Variants in ZCCHC24 observed in about 807,000 individuals in gnomAD.
The protein encoded by ZCCHC24 is zinc finger CCHC domain-containing protein 24.
In ZCCHC24, 10 loss-of-function variants were observed where a neutral mutation model predicts 26.2. The observed-to-expected ratio is 0.38, with a 90% CI of 0.24 to 0.65. The LOEUF (loss-of-function observed/expected upper bound fraction) is 0.65. ZCCHC24 is among the 30% of genes least tolerant of loss of function. The probability of loss-of-function intolerance (pLI) is 0.54; values close to 1 mark genes in which losing one functional copy is unlikely to be tolerated. For missense variants in ZCCHC24, 243 were observed against 329.1 expected (o/e 0.74, Z 2.03); for synonymous variants, 144 against 147.1 (o/e 0.98, Z 0.15).
At chr10:79,441,394 C>T (rs749357408) in intron 1 of ZCCHC24, among the ~76,000 whole-genome samples, 115 of 152,082 alleles carry the variant, frequency 7.6e-4, no homozygotes, top group Non-Finnish European at 1.4e-3. Context: ...TTTGTTAAGC[C>T]TTGTGACACC....
rs1856362740 is a variant in ZCCHC24, at chr10:79,384,415, T to G, written c.*1930A>C. 6.6e-6 allele frequency: 1 copy of G among 152,384 alleles called. No individual in the cohort carries two copies. The highest frequency in any genetic ancestry group is 2.1e-4 in the South Asian group (1 of 4,834). The allele number at this position is 152,384 out of a possible 1,614,324, so 9.4% of individuals were successfully genotyped here. A position where few individuals can be genotyped will look rare whatever the true frequency, so the allele number is the denominator to read the frequency against. On this transcript the variant is annotated 3_prime_UTR_variant, in exon 4 of 4. Transcript: ENST00000372336. ...CATTCTCTTTAGCAGTGCGGTAGGA[T>G]GACTGTCAGTGGCAGCTTCTCCTTG...
intron 2 of ZCCHC24, among the ~76,000 whole-genome samples, chr10:79,416,294 A>G (rs1856858740): frequency 6.6e-6 from 1 of 152,344 alleles, no homozygotes; most frequent in Middle Eastern, 3.4e-3. Flanking sequence ...AAGGTCGCCC[A>G]CTTGGCTCTG....
At chr10:79,394,503 G>A in intron 2 of ZCCHC24, 63 bp from the exon 3 acceptor site, 2 of 1,576,162 alleles carry the variant, frequency 1.3e-6, no homozygotes, top group Non-Finnish European at 1.7e-6. Flanking sequence ...GCCCCACAGG[G>A]TTCCCCTGGC....
intron 2 of ZCCHC24, among the ~76,000 whole-genome samples, chr10:79,395,190 T>G (rs1589660496): frequency 6.6e-6 from 1 of 151,388 alleles, no homozygotes. Flanking sequence ...GCTACGTAGG[T>G]GCATACAGCT....
chr10:79,396,597 G>A (rs1019575042), intron 2 of ZCCHC24, among the ~76,000 whole-genome samples: 3 of 152,336 alleles, frequency 2.0e-5, no homozygotes, highest in Non-Finnish European at 4.4e-5. Context: ...TGTGGTCCCC[G>A]GACCAACAGC....
chr10:79,386,495 G>C, intron 3 of ZCCHC24, 37 bp from the exon 4 acceptor site: 4 of 1,520,522 alleles, frequency 2.6e-6, no homozygotes, highest in Non-Finnish European at 2.7e-6. Flanking sequence ...AGGGGAGTGA[G>C]GGGAGAGAAA....
chr10:79,433,247 G>C (rs945549488), intron 1 of ZCCHC24, among the ~76,000 whole-genome samples: 9 of 152,216 alleles, frequency 5.9e-5, no homozygotes, highest in Admixed American at 5.2e-4. Flanking sequence ...TAAGGAAAGG[G>C]AATGTCAGCT....
In ZCCHC24 at chr10:79,383,421, C is replaced by G. The variant is rs1856348553; in HGVS notation, c.*2924G>C. 6.6e-6 allele frequency: 1 copy of G among 151,784 alleles called. No homozygotes were observed. The highest frequency in any genetic ancestry group is 2.4e-5 in the African/African-American group (1 of 40,894). The allele number at this position is 151,784 out of a possible 1,614,324, so 9.4% of individuals were successfully genotyped here. ...TTACAGACCAAAGCATAGTAAAAAA[C>G]AAACAAAAACCAACCAAAAACCCAA... On this transcript the variant is annotated 3_prime_UTR_variant, in exon 4 of 4. Coordinates refer to ENST00000372336, the MANE Select transcript of ZCCHC24 (RefSeq NM_153367.4).
intron 1 of ZCCHC24, among the ~76,000 whole-genome samples, chr10:79,438,977 A>G (rs572159585): frequency 1.1e-4 from 16 of 152,340 alleles, no homozygotes; most frequent in East Asian, 5.8e-4. Context: ...GAGCAAGAAT[A>G]TGAGAATCCC....
At chr10:79,437,245 G>T (rs565224945) in intron 1 of ZCCHC24, among the ~76,000 whole-genome samples, 1 of 152,154 alleles carries the variant, frequency 6.6e-6, no homozygotes, top group Admixed American at 6.5e-5. Context: ...TAGAGATGAG[G>T]TTTCACCATG....
At chr10:79,433,382 C>T (rs1857163383) in intron 1 of ZCCHC24, among the ~76,000 whole-genome samples, 1 of 152,228 alleles carries the variant, frequency 6.6e-6, no homozygotes, top group Admixed American at 6.5e-5. Context: ...AACCACCTCT[C>T]TGGAAGCCCA....
intron 1 of ZCCHC24, among the ~76,000 whole-genome samples, chr10:79,440,408 G>C (rs1468087975): frequency 1.3e-5 from 2 of 152,140 alleles, no homozygotes; most frequent in Non-Finnish European, 2.9e-5. Flanking sequence ...CTCATGACCA[G>C]TACTCAGCAA....
In ZCCHC24 at chr10:79,445,506, C is replaced by CG; in HGVS notation, c.-67dup. On this transcript the variant is annotated 5_prime_UTR_variant, in exon 1 of 4. Coordinates refer to ENST00000372336, the MANE Select transcript of ZCCHC24 (RefSeq NM_153367.4). ...GCGGCCCCCCTCCGCAGCGGAGGGGCGGGCACCGGGGAGCCTGTGCCCACT... is the reference window on the plus strand; with the variant it reads ...GCGGCCCCCCTCCGCAGCGGAGGGGCGGGGCACCGGGGAGCCTGTGCCCACT... The CG allele has an allele frequency of 8.0e-7, 1 of 1,253,974 alleles. No homozygotes were observed. The highest frequency in any genetic ancestry group is 2.5e-5 in the South Asian group (1 of 39,862). The allele number at this position is 1,253,974 out of a possible 1,614,324, so 77.7% of individuals were successfully genotyped here.
chr10:79,406,906 C>T (rs1856722706), intron 2 of ZCCHC24, among the ~76,000 whole-genome samples: 1 of 152,230 alleles, frequency 6.6e-6, no homozygotes, highest in South Asian at 2.1e-4. Context: ...GGAGAAGGGG[C>T]TGGCTGGTGG....
chr10:79,414,126 G>A (rs185686525), intron 2 of ZCCHC24, among the ~76,000 whole-genome samples: 25 of 152,314 alleles, frequency 1.6e-4, no homozygotes, highest in African/African-American at 4.6e-4. Context: ...CAGCTTATAC[G>A]ATCACCACCT....
At chr10:79,423,585 A>ATATATAT (rs201842826) in intron 2 of ZCCHC24, among the ~76,000 whole-genome samples, 1 of 89,438 alleles carries the variant, frequency 1.1e-5, no homozygotes, top group Non-Finnish European at 2.3e-5. Flanking sequence ...TATATACTAT[A>ATATATAT]TATATATATA....
At chr10:79,427,350 C>T (rs187045752) in intron 2 of ZCCHC24, among the ~76,000 whole-genome samples, 273 of 152,286 alleles carry the variant, frequency 1.8e-3, no homozygotes, top group Non-Finnish European at 3.1e-3. Flanking sequence ...ACCTAACAGA[C>T]ATCTATAAAA....
At chr10:79,438,239 C>T (rs560507818) in intron 1 of ZCCHC24, among the ~76,000 whole-genome samples, 1 of 152,280 alleles carries the variant, frequency 6.6e-6, no homozygotes, top group Admixed American at 6.5e-5. Context: ...CACACACACA[C>T]GCACCCACAC....
chr10:79,423,585 A>ATATATATTT (rs201842826), intron 2 of ZCCHC24, among the ~76,000 whole-genome samples: 8,887 of 89,228 alleles, frequency 0.1, 840 homozygotes, highest in African/African-American at 0.13. Context: ...TATATACTAT[A>ATATATATTT]TATATATATA....
Sources: allele counts gnomAD v4.1 joint callset (sites outside exome capture counted in the v4.1 genomes callset), GRCh38; gene constraint gnomAD v4.1.1; transcripts MANE v1.5; gene names NCBI Gene and HGNC (gene_info 2026-07-23, HGNC 2026-07-21).